The following DNAH11 variants were observed in gnomAD, a reference collection of about 807,000 sequenced individuals.
DNAH11 encodes the protein dynein axonemal heavy chain 11.
DNAH11 carries 442 observed loss-of-function variants against 526.0 expected under a neutral mutation model. That is an observed-to-expected ratio of 0.84 (90% CI 0.78 to 0.91). The LOEUF is 0.91. Ranked by LOEUF, DNAH11 falls within the 40% of genes least tolerant of loss-of-function variation. The pLI is 0.00. For synonymous variants in DNAH11, 2,461 were observed against 1,935.9 expected (o/e 1.27, Z -7.12); for missense variants, 6,989 against 5,448.7 (o/e 1.28, Z -8.90).
intron 39 of DNAH11, among the ~76,000 whole-genome samples, chr7:21,706,993 C>G (rs1254018892): frequency 3.3e-5 from 5 of 152,192 alleles, no homozygotes; most frequent in Non-Finnish European, 7.3e-5. Context: ...GTTTGTCAAC[C>G]TCAGCACTGT....
chr7:21,813,569 A>G (rs1399450934), intron 63 of DNAH11, among the ~76,000 whole-genome samples: 2 of 152,230 alleles, frequency 1.3e-5, no homozygotes, highest in African/African-American at 2.4e-5. Context: ...TCTTAGGAAT[A>G]TGCCAGTTGG....
chr7:21,715,168 C>G (rs1784604973), intron 42 of DNAH11, among the ~76,000 whole-genome samples: 1 of 152,194 alleles, frequency 6.6e-6, no homozygotes, highest in Non-Finnish European at 1.5e-5. Context: ...GAAGCTTGCT[C>G]TAAGGGTAGA....
chr7:21,741,707 G>C (rs1176794498), intron 48 of DNAH11, among the ~76,000 whole-genome samples: 1 of 152,128 alleles, frequency 6.6e-6, no homozygotes, highest in African/African-American at 2.4e-5. Context: ...AACAAAGTAA[G>C]GAGAAATATA....
intron 68 of DNAH11, among the ~76,000 whole-genome samples, chr7:21,857,564 A>G (rs1210761084): frequency 2.0e-5 from 3 of 152,110 alleles, no homozygotes; most frequent in Admixed American, 6.6e-5. Flanking sequence ...GAAGACTTAC[A>G]ATTTCTGATT....
chr7:21,582,099 A>C, intron 9 of DNAH11, 78 bp downstream of exon 9: 34 of 899,004 alleles, frequency 3.8e-5, no homozygotes, highest in Non-Finnish European at 5.8e-5. Flanking sequence ...GTGAATTCTC[A>C]TTCAGGTAGA....
Position 21,558,938 on chromosome 7 carries a change from T to G in DNAH11, c.632T>G (p.Leu211Arg). Residue 211 changes from leucine to arginine, a missense_variant, in exon 3 of 82, where the codon CTT becomes CGT. Transcript: ENST00000409508. The stretch of plus-strand genomic sequence containing the variant: ...AGGGGCAAAATGTCTAGAAGAACTC[T>G]TCTACCAATTCCCACTGTTGCAGGA... ...IFRGKMSRRT[L>R]LPIPTVAGKM... 1.9e-6 allele frequency: 3 copies of G among 1,596,424 alleles called. No homozygotes were observed. Among genetic ancestry groups the G allele is most frequent in the Non-Finnish European group, 2.6e-6 (3 of 1,170,570 alleles).
At chr7:21,863,299 C>G (rs1783142499) in intron 69 of DNAH11, among the ~76,000 whole-genome samples, 1 of 152,112 alleles carries the variant, frequency 6.6e-6, no homozygotes, top group Admixed American at 6.6e-5. Context: ...ATGTAATAAA[C>G]AGGAGCAAGG....
intron 65 of DNAH11, among the ~76,000 whole-genome samples, chr7:21,828,180 C>T (rs1264742118): frequency 2.0e-5 from 3 of 152,150 alleles, no homozygotes; most frequent in African/African-American, 4.8e-5. Context: ...AACTCCTGAC[C>T]TCAGGTGATC....
At chr7:21,741,005 C>G (rs949749532) in intron 48 of DNAH11, among the ~76,000 whole-genome samples, 1 of 152,072 alleles carries the variant, frequency 6.6e-6, no homozygotes, top group South Asian at 2.1e-4. Context: ...GCTTATTGTT[C>G]ATTTTTGTAT....
At chr7:21,588,755 A>C in intron 11 of DNAH11, 119 bp downstream of exon 11, 1 of 1,209,100 alleles carries the variant, frequency 8.3e-7, no homozygotes, top group African/African-American at 1.5e-5. Flanking sequence ...CACTTCTCTC[A>C]CTGGTTGGGT....
chr7:21,563,776 G>A (rs909944269), intron 5 of DNAH11, among the ~76,000 whole-genome samples: 3 of 152,126 alleles, frequency 2.0e-5, no homozygotes, highest in Non-Finnish European at 2.9e-5. Context: ...ATTCAATTGT[G>A]CTCATACCAA....
chr7:21,763,801 CAT>C (rs1787039925), intron 54 of DNAH11, among the ~76,000 whole-genome samples: 1 of 121,150 alleles, frequency 8.3e-6, no homozygotes, highest in Non-Finnish European at 1.7e-5. Context: ...TATACATATA[CAT>C]ATACATATAC....
intron 34 of DNAH11, among the ~76,000 whole-genome samples, chr7:21,688,655 A>G (rs1047513633): frequency 1.3e-5 from 2 of 152,156 alleles, no homozygotes; most frequent in African/African-American, 4.8e-5. Flanking sequence ...TAGTCCTTCC[A>G]CCAACTCCTT....
chr7:21,790,495 A>G (rs139013690), intron 61 of DNAH11, among the ~76,000 whole-genome samples: 21 of 152,336 alleles, frequency 1.4e-4, no homozygotes, highest in Non-Finnish European at 2.5e-4. Context: ...TATTGTATGT[A>G]CTACTAAATA....
intron 2 of DNAH11, among the ~76,000 whole-genome samples, chr7:21,554,454 C>T (rs1305191798): frequency 1.3e-5 from 2 of 152,094 alleles, no homozygotes; most frequent in African/African-American, 4.8e-5. Context: ...GGATTATAGG[C>T]ATGAGCCCTG....
intron 54 of DNAH11, among the ~76,000 whole-genome samples, chr7:21,755,862 G>A (rs776852091): frequency 2.8e-4 from 43 of 152,218 alleles, no homozygotes; most frequent in Non-Finnish European, 5.4e-4. Context: ...ACTATTTGTA[G>A]AAAATGTCCT....
intron 61 of DNAH11, among the ~76,000 whole-genome samples, chr7:21,795,693 G>A (rs1221728821): frequency 2.6e-5 from 4 of 152,192 alleles, no homozygotes; most frequent in Non-Finnish European, 5.9e-5. Context: ...ACTAGGCACT[G>A]GAGTCAGAGG....
chr7:21,880,952 G>A (rs1341707329), intron 75 of DNAH11, 59 bp downstream of exon 75: 1 of 1,440,668 alleles, frequency 6.9e-7, no homozygotes, highest in East Asian at 2.4e-5. Flanking sequence ...TCAGTCTTTG[G>A]GCACTATCAA....
In DNAH11 at chr7:21,816,491, C is replaced by T. The variant is rs1381193487; in HGVS notation, c.10357C>T (p.Leu3453=). ...QKVSIPLTEG[L]DLISMLTDDA... is the part of the protein sequence containing the mutation. ...GGTTTCCATTCCACTAACCGAAGGC[C>T]TGGACTTGATATCCATGTTGACGGA... Residue 3453 remains leucine, a synonymous_variant, in exon 64 of 82, where the codon CTG becomes TTG. Coordinates refer to ENST00000409508, the MANE Select transcript of DNAH11 (RefSeq NM_001277115.2). 2.5e-6 allele frequency: 4 copies of T among 1,609,594 alleles called. No homozygotes were observed. Among genetic ancestry groups the T allele is most frequent in the Middle Eastern group, 1.6e-4 (1 of 6,078 alleles).
Sources: allele counts gnomAD v4.1 joint callset (sites outside exome capture counted in the v4.1 genomes callset), GRCh38; gene constraint gnomAD v4.1.1; transcripts MANE v1.5; gene names NCBI Gene and HGNC (gene_info 2026-07-23, HGNC 2026-07-21).